The following RBFOX1 variants were observed in gnomAD, a reference collection of about 807,000 sequenced individuals.
The protein encoded by RBFOX1 is RNA binding protein fox-1 homolog 1.
Under a neutral mutation model 57.7 loss-of-function variants are expected in RBFOX1, and 8 were observed. The observed-to-expected ratio is 0.14, with a 90% CI of 0.08 to 0.25. The LOEUF is 0.25. Ranked by LOEUF, RBFOX1 falls within the 10% of genes least tolerant of loss-of-function variation. The probability of loss-of-function intolerance (pLI) is 1.00; values close to 1 mark genes in which losing one functional copy is unlikely to be tolerated. For missense variants in RBFOX1, 611 were observed against 548.5 expected, an observed-to-expected ratio of 1.11 and a Z score of -1.14; for synonymous variants, 326 against 222.4, an observed-to-expected ratio of 1.47 and a Z score of -4.15.
chr16:5,770,200 G>C (rs919609435), intron 3 of RBFOX1, among the ~76,000 whole-genome samples: 1 of 151,624 alleles, frequency 6.6e-6, no homozygotes, highest in African/African-American at 2.4e-5. Context: ...ACATCAACAG[G>C]ACTGTTTTCA....
intron 5 of RBFOX1, among the ~76,000 whole-genome samples, chr16:7,546,903 C>T (rs1448062521): frequency 6.6e-6 from 1 of 152,078 alleles, no homozygotes; most frequent in Non-Finnish European, 1.5e-5. Context: ...AGGATAAATT[C>T]CCACAAGTAG....
Position 5,376,943 on chromosome 16 carries a change from C to T in RBFOX1, c.220-90273C>T, listed in dbSNP as rs201720446. ...CAGTCTCTTCATAGCACACCCTGCA[C>T]TGGCTTCCCTCCCTTCTCCAAGTCT... is the stretch of plus-strand genomic sequence containing the variant. On this transcript the variant is annotated intron_variant, in intron 1 of 2. Coordinates refer to the RBFOX1 transcript ENST00000585867. 1.2e-3 allele frequency among the ~76,000 whole-genome samples: 112 copies of T among 95,784 alleles called. 4 individuals carry two copies. Among genetic ancestry groups the T allele is most frequent in the African/African-American group, 4.3e-3 (104 of 24,300 alleles). 62.8% of individuals were successfully genotyped at this position (95,784 alleles called of 152,430 possible). A position where few individuals can be genotyped will look rare whatever the true frequency, so the allele number is the denominator to read the frequency against.
intron 1 of RBFOX1, among the ~76,000 whole-genome samples, chr16:5,262,827 G>A (rs960471297): frequency 1.3e-5 from 2 of 152,150 alleles, no homozygotes; most frequent in Admixed American, 1.3e-4. Context: ...TTCAAGAGGT[G>A]AAAATTGTAT....
chr16:7,389,781 T>C (rs1312476009), intron 4 of RBFOX1, among the ~76,000 whole-genome samples: 1 of 152,134 alleles, frequency 6.6e-6, no homozygotes, highest in East Asian at 1.9e-4. Context: ...ATTTCTTGAG[T>C]ATATAGAATG....
chr16:6,723,950 C>G (rs2066565264), intron 3 of RBFOX1: 1 of 152,224 alleles, frequency 6.6e-6, no homozygotes, highest in African/African-American at 2.4e-5. Flanking sequence ...TGGGCTCCAC[C>G]TTGGCCCATT....
chr16:6,794,693 C>T (rs1431321201), intron 3 of RBFOX1, among the ~76,000 whole-genome samples: 1 of 152,064 alleles, frequency 6.6e-6, no homozygotes, highest in African/African-American at 2.4e-5. Context: ...TGTATGCATC[C>T]CAGAATGTTT....
chr16:5,786,468 G>T (rs185505061), intron 3 of RBFOX1, among the ~76,000 whole-genome samples: 3 of 152,188 alleles, frequency 2.0e-5, no homozygotes, highest in African/African-American at 7.2e-5. Flanking sequence ...TGACAAGAGA[G>T]TGTAACGAAG....
intron 1 of RBFOX1, among the ~76,000 whole-genome samples, chr16:6,073,549 C>A (rs184261725): frequency 3.7e-4 from 57 of 152,308 alleles, no homozygotes; most frequent in Admixed American, 3.7e-3. Context: ...TTAGCTGAAG[C>A]ATTTCCCCCG....
intron 2 of RBFOX1, among the ~76,000 whole-genome samples, chr16:6,444,607 C>T (rs1597339556): frequency 6.6e-6 from 1 of 152,136 alleles, no homozygotes; most frequent in Non-Finnish European, 1.5e-5. Flanking sequence ...CCTCCCCAGC[C>T]ATGTGGAACT....
At chr16:5,534,707 C>T (rs952444785) in intron 2 of RBFOX1, among the ~76,000 whole-genome samples, 13 of 152,290 alleles carry the variant, frequency 8.5e-5, no homozygotes, top group East Asian at 1.9e-4. Flanking sequence ...CACTGACTCA[C>T]GTGTTAACCT....
In RBFOX1 at chr16:5,766,802, C is replaced by T. The variant is rs148468194; in HGVS notation, c.319-100501C>T. 3.7e-4 allele frequency among the ~76,000 whole-genome samples: 57 copies of T among 152,268 alleles called. 1 individual carries two copies. The East Asian group carries it at 0.01, about 27-fold the overall frequency. On this transcript the variant is annotated intron_variant, in intron 3 of 19. Transcript: ENST00000641259. ...GCTAAGGCTACCCACCCTGCTTCTG[C>T]CCTCAAGGCCCTCTGCTCTCTATCC...
At chr16:6,675,979 T>G (rs117289315) in intron 3 of RBFOX1, among the ~76,000 whole-genome samples, 1 of 151,852 alleles carries the variant, frequency 6.6e-6, no homozygotes. Flanking sequence ...CAGCTTTACG[T>G]GGACACCAAG....
chr16:6,378,808 A>T (rs1179418901), intron 2 of RBFOX1, among the ~76,000 whole-genome samples: 1 of 152,096 alleles, frequency 6.6e-6, no homozygotes, highest in African/African-American at 2.4e-5. Flanking sequence ...CATCTTTATA[A>T]TATCTCTTGA....
chr16:5,541,530 C>G (rs1825686), intron 2 of RBFOX1, among the ~76,000 whole-genome samples: 42,434 of 151,856 alleles, frequency 0.28, 7,263 homozygotes, highest in East Asian at 0.85. Flanking sequence ...AGGTGAGAGA[C>G]AAAGGGTTGC....
intron 2 of RBFOX1, among the ~76,000 whole-genome samples, chr16:5,467,878 G>C (rs1379062460): frequency 6.6e-6 from 1 of 152,140 alleles, no homozygotes; most frequent in African/African-American, 2.4e-5. Context: ...ATGTAAGAAT[G>C]TTTTTCCTCA....
chr16:6,480,592 T>C (rs555886354), intron 2 of RBFOX1, among the ~76,000 whole-genome samples: 22 of 152,240 alleles, frequency 1.4e-4, no homozygotes, highest in Non-Finnish European at 2.9e-4. Context: ...GTTTGATTCT[T>C]GGGCTGTAGT....
chr16:6,305,322 T>C (rs1000745070), intron 1 of RBFOX1, among the ~76,000 whole-genome samples: 4 of 152,244 alleles, frequency 2.6e-5, no homozygotes, highest in Admixed American at 6.5e-5. Context: ...GAGATAATGA[T>C]GCCCAGGGCA....
intron 3 of RBFOX1, among the ~76,000 whole-genome samples, chr16:6,701,617 CTT>C (rs561430719): frequency 1.3e-5 from 2 of 152,018 alleles, no homozygotes; most frequent in Non-Finnish European, 2.9e-5. Context: ...GTGCCAGGCT[CTT>C]TATAAAAATC....
chr16:5,530,933 T>TAAAAAAAAAA (rs59311923), intron 2 of RBFOX1, among the ~76,000 whole-genome samples: 10 of 55,048 alleles, frequency 1.8e-4, no homozygotes, highest in African/African-American at 2.3e-4. Flanking sequence ...ACTAAAAATA[T>TAAAAAAAAAA]AAAAAAAAAA....
Sources: allele counts gnomAD v4.1 joint callset (sites outside exome capture counted in the v4.1 genomes callset), GRCh38; gene constraint gnomAD v4.1.1; transcripts MANE v1.5; gene names NCBI Gene and HGNC (gene_info 2026-07-23, HGNC 2026-07-21).